GRID2: variants seen among roughly 807,000 people sequenced by gnomAD.
GRID2 encodes the protein glutamate ionotropic receptor delta type subunit 2.
GRID2 carries 33 observed loss-of-function variants against 114.8 expected under a neutral mutation model. The observed-to-expected ratio is 0.29, with a 90% CI of 0.22 to 0.38. The LOEUF is 0.38. Ranked by LOEUF, GRID2 falls within the 10% of genes least tolerant of loss-of-function variation. The pLI is 1.00. For synonymous variants in GRID2, 505 were observed against 449.9 expected, an observed-to-expected ratio of 1.12 and a Z score of -1.55; for missense variants, 1,184 against 1,257.7, an observed-to-expected ratio of 0.94 and a Z score of 0.89.
chr4:92,926,509 A>C (rs975121446), intron 2 of GRID2, among the ~76,000 whole-genome samples: 3 of 152,034 alleles, frequency 2.0e-5, no homozygotes, highest in Non-Finnish European at 4.4e-5. Context: ...TAAACAAGGC[A>C]TATAAATATG....
chr4:93,644,703 C>G (rs1471306885), intron 14 of GRID2, among the ~76,000 whole-genome samples: 5 of 152,012 alleles, frequency 3.3e-5, no homozygotes, highest in Non-Finnish European at 4.4e-5. Context: ...TACTTCTTAA[C>G]CAGAATGTAT....
At chr4:93,127,159 G>A (rs965794268) in intron 4 of GRID2, among the ~76,000 whole-genome samples, 8 of 152,076 alleles carry the variant, frequency 5.3e-5, no homozygotes, top group Admixed American at 5.2e-4. Context: ...TAGATCGTTT[G>A]CATTTTATTT....
intron 10 of GRID2, among the ~76,000 whole-genome samples, chr4:93,437,177 G>A (rs1390372629): frequency 1.3e-5 from 2 of 152,028 alleles, no homozygotes; most frequent in African/African-American, 2.4e-5. Flanking sequence ...ACTTATTCCT[G>A]ACACAGTCTC....
intron 4 of GRID2, among the ~76,000 whole-genome samples, chr4:93,135,250 T>C (rs893641965): frequency 7.9e-5 from 12 of 152,274 alleles, no homozygotes; most frequent in African/African-American, 2.4e-4. Context: ...TTCAGTCTCC[T>C]GTGAGGTGTG....
At chr4:93,255,090 A>G (rs1749414923) in intron 8 of GRID2, among the ~76,000 whole-genome samples, 1 of 152,096 alleles carries the variant, frequency 6.6e-6, no homozygotes, top group Non-Finnish European at 1.5e-5. Flanking sequence ...TATAGCTTAT[A>G]GCTCTCGTGT....
intron 3 of GRID2, among the ~76,000 whole-genome samples, chr4:93,110,383 T>G (rs2149351032): frequency 6.6e-6 from 1 of 152,310 alleles, no homozygotes. Flanking sequence ...AATATTACTC[T>G]TTAAAATGCT....
intron 2 of GRID2, among the ~76,000 whole-genome samples, chr4:92,986,270 G>A (rs745903976): frequency 7.2e-5 from 11 of 152,112 alleles, no homozygotes; most frequent in Non-Finnish European, 1.6e-4. Context: ...ACATCTGAAA[G>A]TGAGAAACTC....
intron 8 of GRID2, among the ~76,000 whole-genome samples, chr4:93,242,491 C>A (rs1305463989): frequency 1.3e-5 from 2 of 151,908 alleles, no homozygotes; most frequent in Non-Finnish European, 2.9e-5. Context: ...TGTTTGATAG[C>A]AGTACAACAA....
chr4:93,570,173 G>T (rs542181368), intron 13 of GRID2, among the ~76,000 whole-genome samples: 2 of 152,178 alleles, frequency 1.3e-5, no homozygotes, highest in African/African-American at 4.8e-5. Context: ...TATATTACTT[G>T]TCCACAGTCA....
At chr4:93,462,455 A>G (rs1005846263) in intron 11 of GRID2, among the ~76,000 whole-genome samples, 8 of 152,206 alleles carry the variant, frequency 5.3e-5, no homozygotes, top group Non-Finnish European at 2.9e-5. Flanking sequence ...TGTTAGAAAT[A>G]CTGAAAATAA....
intron 2 of GRID2, among the ~76,000 whole-genome samples, chr4:92,658,836 T>C (rs146412622): frequency 5.3e-5 from 7 of 132,026 alleles, no homozygotes; most frequent in Non-Finnish European, 1.0e-4. Context: ...CACAATCACA[T>C]TCATTGTATG....
chr4:92,746,054 A>G (rs1355370069), intron 2 of GRID2, among the ~76,000 whole-genome samples: 1 of 152,128 alleles, frequency 6.6e-6, no homozygotes, highest in East Asian at 1.9e-4. Context: ...GTCTGCATCC[A>G]GCCACTTTTT....
intron 9 of GRID2, among the ~76,000 whole-genome samples, chr4:93,397,224 C>A (rs554818243): frequency 6.6e-6 from 1 of 151,864 alleles, no homozygotes; most frequent in African/African-American, 2.4e-5. Flanking sequence ...ATAAATTATT[C>A]CTAGTTATTA....
intron 12 of GRID2, among the ~76,000 whole-genome samples, chr4:93,493,149 G>A (rs1359059618): frequency 1.3e-5 from 2 of 151,820 alleles, no homozygotes; most frequent in Non-Finnish European, 2.9e-5. Flanking sequence ...TATGTTGAAT[G>A]TGTCACATTT....
chr4:93,135,505 T>C (rs1391469438), intron 4 of GRID2, among the ~76,000 whole-genome samples: 1 of 152,150 alleles, frequency 6.6e-6, no homozygotes, highest in Non-Finnish European at 1.5e-5. Flanking sequence ...CAAATTGGGA[T>C]TTTGTAATGT....
chr4:92,719,836 A>C (rs1735729693), intron 2 of GRID2, among the ~76,000 whole-genome samples: 2 of 152,180 alleles, frequency 1.3e-5, no homozygotes, highest in South Asian at 4.1e-4. Context: ...TTTTGATCAG[A>C]GAATGAGCCA....
At chr4:93,632,220 A>C (rs1246748358) in intron 14 of GRID2, among the ~76,000 whole-genome samples, 1 of 152,130 alleles carries the variant, frequency 6.6e-6, no homozygotes, top group East Asian at 1.9e-4. Flanking sequence ...CTTTAGTTTA[A>C]TGAGATCCCA....
intron 2 of GRID2, among the ~76,000 whole-genome samples, chr4:92,813,577 C>A (rs767894770): frequency 6.6e-6 from 1 of 152,032 alleles, no homozygotes; most frequent in Non-Finnish European, 1.5e-5. Flanking sequence ...ATTATTTCAG[C>A]TGTTTTGCTT....
At chr4:92,741,232 C>T (rs1396549628) in intron 2 of GRID2, among the ~76,000 whole-genome samples, 1 of 152,112 alleles carries the variant, frequency 6.6e-6, no homozygotes, top group Non-Finnish European at 1.5e-5. Context: ...TTATTCCTAT[C>T]TCATAGATGG....
Sources: allele counts gnomAD v4.1 joint callset (sites outside exome capture counted in the v4.1 genomes callset), GRCh38; gene constraint gnomAD v4.1.1; transcripts MANE v1.5; gene names NCBI Gene and HGNC (gene_info 2026-07-23, HGNC 2026-07-21).